Variants in SUFU observed in about 807,000 individuals in gnomAD.
SUFU encodes suppressor of fused homolog.
In SUFU, 7 loss-of-function variants were observed where a neutral mutation model predicts 58.9. That is an observed-to-expected ratio of 0.12 (90% confidence interval 0.07 to 0.22). The LOEUF (loss-of-function observed/expected upper bound fraction) is 0.22. SUFU is among the 10% of genes least tolerant of loss of function. The pLI is 1.00. For synonymous variants in SUFU, 232 were observed against 254.8 expected (o/e 0.91, Z 0.85); for missense variants, 451 against 641.3 (o/e 0.70, Z 3.20).
In SUFU at chr10:102,591,276, G is replaced by A. The variant is rs557211146; in HGVS notation, c.455-1306G>A. Reference sequence around the variant, plus strand: ...CGCACTTTGGGAGGCCGAGGAGGGCGGATCACGAGGTCAGGAGATCGAGGC... The same window carrying A: ...CGCACTTTGGGAGGCCGAGGAGGGCAGATCACGAGGTCAGGAGATCGAGGC... On this transcript the variant is annotated intron_variant, in intron 3 of 11. Coordinates refer to ENST00000369902, the MANE Select transcript of SUFU (RefSeq NM_016169.4). 2.2e-4 allele frequency among the ~76,000 whole-genome samples: 34 copies of A among 152,236 alleles called. No individual in the cohort carries two copies. The East Asian group carries it at 6.4e-3, about 29-fold the overall frequency.
chr10:102,514,600 A>G (rs2062443376), intron 2 of SUFU, among the ~76,000 whole-genome samples: 1 of 152,156 alleles, frequency 6.6e-6, no homozygotes, highest in Admixed American at 6.5e-5. Flanking sequence ...GAGTGGAGAA[A>G]TTGTCCTGTG....
intron 2 of SUFU, among the ~76,000 whole-genome samples, chr10:102,516,108 TTTTC>T (rs1278350500): frequency 6.1e-4 from 86 of 140,392 alleles, no homozygotes; most frequent in African/African-American, 2.1e-3. Flanking sequence ...TTTCTTTTCT[TTTTC>T]TTTCTTTCTT....
intron 8 of SUFU, among the ~76,000 whole-genome samples, chr10:102,606,454 C>T (rs1041081797): frequency 1.3e-5 from 2 of 152,140 alleles, no homozygotes; most frequent in Non-Finnish European, 2.9e-5. Flanking sequence ...TGCCCTTGTT[C>T]CTGTCTTGTG....
intron 3 of SUFU, among the ~76,000 whole-genome samples, chr10:102,567,104 C>T (rs1365464731): frequency 1.4e-4 from 20 of 140,510 alleles, no homozygotes; most frequent in African/African-American, 4.7e-4. Context: ...CTCTGCCTCC[C>T]GGGTTCATGC....
intron 10 of SUFU, chr10:102,618,774 T>C: frequency 2.0e-6 from 1 of 505,090 alleles, no homozygotes; most frequent in East Asian, 3.1e-5. Flanking sequence ...CTCCCTCCAT[T>C]CCCTACCCCC....
chr10:102,548,980 G>A (rs1237988832), intron 2 of SUFU, among the ~76,000 whole-genome samples: 1 of 152,174 alleles, frequency 6.6e-6, no homozygotes, highest in Non-Finnish European at 1.5e-5. Flanking sequence ...GGAGTGCCAG[G>A]TTTCAGGAAG....
At position 102,534,285 on chromosome 10, in the gene SUFU, G is replaced by A. The variant is rs983964523; in HGVS notation, c.318-15685G>A. 3.9e-5 allele frequency among the ~76,000 whole-genome samples: 6 copies of A among 152,288 alleles called. No homozygotes were observed. The East Asian group carries it at 7.7e-4, about 20-fold the overall frequency. On this transcript the variant is annotated intron_variant, in intron 2 of 11. Transcript: ENST00000369902. ...CTACTAAAAATACAAAAAATAAGCCGGTGTGGTGGCAGGTGCCTATAGTCC... is the reference window on the plus strand; with the variant it reads ...CTACTAAAAATACAAAAAATAAGCCAGTGTGGTGGCAGGTGCCTATAGTCC...
intron 2 of SUFU, among the ~76,000 whole-genome samples, chr10:102,540,202 C>T (rs774433814): frequency 2.0e-5 from 3 of 152,142 alleles, no homozygotes; most frequent in African/African-American, 7.2e-5. Flanking sequence ...AGCCATGATC[C>T]GGAGGCTAGG....
At chr10:102,581,151 G>A (rs1330866087) in intron 3 of SUFU, among the ~76,000 whole-genome samples, 4 of 122,176 alleles carry the variant, frequency 3.3e-5, no homozygotes, top group Non-Finnish European at 6.4e-5. Flanking sequence ...TTGCACTCCA[G>A]CCTGGGCGAC....
chr10:102,604,387 A>G (rs1038551641), intron 8 of SUFU, among the ~76,000 whole-genome samples: 2 of 152,220 alleles, frequency 1.3e-5, no homozygotes, highest in African/African-American at 4.8e-5. Flanking sequence ...TGGCATGGGT[A>G]AATTTCTGTT....
chr10:102,596,589 A>G (rs2063464283), intron 6 of SUFU, among the ~76,000 whole-genome samples: 1 of 152,234 alleles, frequency 6.6e-6, no homozygotes, highest in African/African-American at 2.4e-5. Context: ...CATCTAGGGA[A>G]GTCCAGCCTT....
rs180762713 is a variant in SUFU, at chr10:102,504,753, G to A, written c.182+419G>A. 4.1e-3 allele frequency among the ~76,000 whole-genome samples: 620 copies of A among 151,314 alleles called. 23 individuals carry two copies. Among genetic ancestry groups the A allele is most frequent in the Admixed American group, 0.039 (585 of 15,174 alleles). On this transcript the variant is annotated intron_variant, in intron 1 of 11. Coordinates refer to ENST00000369902, the MANE Select transcript of SUFU (RefSeq NM_016169.4). ...GAGCATTTGAGAGGGCTTTGGAGGA[G>A]CGAAGCCGAAGAAGCTCAGAGGGCA...
chr10:102,589,973 T>A (rs913438877), intron 3 of SUFU, among the ~76,000 whole-genome samples: 9 of 151,974 alleles, frequency 5.9e-5, no homozygotes, highest in African/African-American at 9.7e-5. Flanking sequence ...TTTTTTTTTT[T>A]ATCATGAAAA....
intron 6 of SUFU, among the ~76,000 whole-genome samples, chr10:102,594,545 T>C (rs2063440851): frequency 6.6e-6 from 1 of 152,086 alleles, no homozygotes; most frequent in Admixed American, 6.5e-5. Context: ...ACATTTTCTA[T>C]CTTGGACAGT....
intron 6 of SUFU, among the ~76,000 whole-genome samples, chr10:102,595,947 A>G (rs2063457339): frequency 6.6e-6 from 1 of 152,180 alleles, no homozygotes; most frequent in Non-Finnish European, 1.5e-5. Flanking sequence ...TACCTAAGTG[A>G]GGGACCCCAG....
rs773805575 is a variant in SUFU at position 102,627,207 on chromosome 10, G to T, written c.1329G>T (p.Met443Ile). The T allele has an allele frequency of 8.1e-6, 13 of 1,614,252 alleles. No homozygotes were observed. Among genetic ancestry groups the T allele is most frequent in the Middle Eastern group, 3.3e-4 (2 of 6,062 alleles). The change falls in exon 11 of 12, where the codon ATG (methionine) becomes ATT (isoleucine). Residue 443 changes from methionine to isoleucine, a missense_variant. Met to Ile is a conservative substitution (Grantham distance 10). Transcript: ENST00000369902. ...ILLTEEFVEK[M>I]LEDLEDLTSP... is the part of the protein sequence containing the mutation. ...TGACCGAAGAGTTTGTAGAGAAAAT[G>T]TTGGAGGATTTAGAAGATTTGACTT...
At chr10:102,597,862 T>A (rs1437858751) in intron 7 of SUFU, among the ~76,000 whole-genome samples, 2 of 152,212 alleles carry the variant, frequency 1.3e-5, no homozygotes, top group African/African-American at 2.4e-5. Context: ...GGAAGGAGGA[T>A]GTGGCTGTCC....
In SUFU at chr10:102,599,612, G is replaced by A. The variant is rs777133389; in HGVS notation, c.1022+68G>A. On this transcript the variant is annotated intron_variant, in intron 8 of 11. Transcript: ENST00000369902. The stretch of plus-strand genomic sequence containing the variant: ...TTTTTCTGAAGGGCCTGTCCCTGTG[G>A]ATTGCATGAGAGAGAACAATGCACA... The A allele has an allele frequency of 2.3e-6, 3 of 1,322,852 alleles. No individual in the cohort carries two copies. The South Asian group carries it at 3.6e-5, about 16-fold the overall frequency. 81.9% of individuals were successfully genotyped at this position (1,322,852 alleles called of 1,614,324 possible).
chr10:102,528,778 C>G (rs1370314420), intron 2 of SUFU, among the ~76,000 whole-genome samples: 1 of 152,048 alleles, frequency 6.6e-6, no homozygotes, highest in African/African-American at 2.4e-5. Context: ...CAAAATGTCT[C>G]AGGAACCATC....
Sources: allele counts gnomAD v4.1 joint callset (sites outside exome capture counted in the v4.1 genomes callset), GRCh38; gene constraint gnomAD v4.1.1; transcripts MANE v1.5; gene names NCBI Gene and HGNC (gene_info 2026-07-23, HGNC 2026-07-21).